The following MYO19 variants were observed in gnomAD, a reference collection of about 807,000 sequenced individuals.
MYO19 encodes the protein unconventional myosin-XIX.
In MYO19, 132 loss-of-function variants were observed where a neutral mutation model predicts 129.2. The ratio of observed to expected loss-of-function variants is 1.02; its 90% CI spans 0.89 to 1.18. The LOEUF is 1.18. Ranked by LOEUF, MYO19 falls within the 50% of genes most tolerant of loss-of-function variation. MYO19 has a pLI of 0.00. For synonymous variants in MYO19, 531 were observed against 477.2 expected (o/e 1.11, Z -1.47); for missense variants, 1,210 against 1,216.7 (o/e 0.99, Z 0.08).
rs914445593 is a variant in MYO19, at chr17:36,498,525, T to C, written c.2498A>G (p.Asp833Gly). The stretch of plus-strand genomic sequence containing the variant: ...AGAGAAGTGTTTTTCTTCCACACCA[T>C]CCAGCTCTTTAGCAGCAAGGCAGGC... ...RMACLAAKEL[D>G]GVEEKHFSQA... Residue 833 changes from aspartate (D) to glycine (G), a missense_variant, in exon 25 of 26, where the codon GAT becomes GGT. Transcript: ENST00000614623. 6.2e-7 allele frequency: 1 copy of C among 1,613,432 alleles called. No individual in the cohort carries two copies. The highest frequency in any genetic ancestry group is 1.3e-5 in the African/African-American group (1 of 74,930).
At chr17:36,502,531 T>C (rs2071604694) in intron 21 of MYO19, among the ~76,000 whole-genome samples, 1 of 152,116 alleles carries the variant, frequency 6.6e-6, no homozygotes, top group African/African-American at 2.4e-5. Context: ...GGGGCAACTT[T>C]GCAGCCTCAA....
Position 36,515,106 on chromosome 17 carries a change from C to T in MYO19, c.617+7G>A. The T allele has an allele frequency of 6.2e-7, 1 of 1,603,140 alleles. No homozygotes were observed. The highest frequency in any genetic ancestry group is 8.5e-7 in the Non-Finnish European group (1 of 1,174,684). ...CTCCCACTAGCCAGGGCAACAGCAG[C>T]TATTACCTGTTCAGCTGGAGCTGGA... is the stretch of plus-strand genomic sequence containing the variant. On this transcript the variant is annotated splice_region_variant and intron_variant, in intron 8 of 25. Coordinates refer to ENST00000614623, the MANE Select transcript of MYO19 (RefSeq NM_001163735.2).
At chr17:36,527,418 G>GC in intron 5 of MYO19, 133 bp downstream of exon 5, 1 of 981,514 alleles carries the variant, frequency 1.0e-6, no homozygotes, top group Non-Finnish European at 1.4e-6. Flanking sequence ...CTCCTATTGG[G>GC]CAGGCCGTGG....
intron 21 of MYO19, 32 bp from the exon 22 acceptor site, chr17:36,501,267 G>C: frequency 6.3e-7 from 1 of 1,589,908 alleles, no homozygotes; most frequent in African/African-American, 1.3e-5. Context: ...ATCAGTGCAT[G>C]GTCATCTCTA....
At chr17:36,530,451 C>CTT (rs11292870) in intron 3 of MYO19, among the ~76,000 whole-genome samples, 3,739 of 94,680 alleles carry the variant, frequency 0.039, 65 homozygotes, top group East Asian at 0.094. Flanking sequence ...CTAAAAGTGG[C>CTT]TTTTTTTTTT....
At chr17:36,500,768 C>A in intron 23 of MYO19, 62 bp downstream of exon 23, 1 of 1,555,126 alleles carries the variant, frequency 6.4e-7, no homozygotes, top group African/African-American at 1.4e-5. Flanking sequence ...AGCTATGTTT[C>A]AAAGGAAACC....
At chr17:36,534,352 C>T (rs2074001836) in intron 1 of MYO19, 1 of 152,166 alleles carries the variant, frequency 6.6e-6, no homozygotes, top group Admixed American at 6.5e-5. Flanking sequence ...GGATGCCGTT[C>T]CGGAAGCACC....
At chr17:36,503,490 A>G (rs1350580442) in intron 20 of MYO19, among the ~76,000 whole-genome samples, 3 of 152,206 alleles carry the variant, frequency 2.0e-5, no homozygotes, top group Non-Finnish European at 4.4e-5. Context: ...GCCTCCCTCC[A>G]AAGGGGCTGA....
intron 20 of MYO19, among the ~76,000 whole-genome samples, chr17:36,503,474 C>T (rs1034779450): frequency 1.3e-5 from 2 of 152,224 alleles, no homozygotes; most frequent in Non-Finnish European, 2.9e-5. Context: ...AGGGGATTTG[C>T]GGGCTGCCTC....
At chr17:36,525,656 T>C (rs2073419142) in intron 5 of MYO19, among the ~76,000 whole-genome samples, 1 of 152,226 alleles carries the variant, frequency 6.6e-6, no homozygotes, top group African/African-American at 2.4e-5. Context: ...AATTTGCAAT[T>C]TGCAAAGTTC....
chr17:36,521,758 C>A (rs192395603), intron 6 of MYO19, among the ~76,000 whole-genome samples: 82 of 152,246 alleles, frequency 5.4e-4, no homozygotes, highest in African/African-American at 1.9e-3. Context: ...CTCGGCCAGG[C>A]ACAGTGGCTC....
In MYO19 at chr17:36,495,949, G is replaced by GTGAC; in HGVS notation, c.*298_*301dup. ...ATGTGGAATTGGGATCCCCAGTGTAGTGACAGACAGTCATGACTGCTGCTG... is the reference window on the plus strand; with the variant it reads ...ATGTGGAATTGGGATCCCCAGTGTAGTGACTGACAGACAGTCATGACTGCTGCTG... On this transcript the variant is annotated 3_prime_UTR_variant, in exon 26 of 26. Coordinates refer to ENST00000614623, the MANE Select transcript of MYO19 (RefSeq NM_001163735.2). 3.1e-6 allele frequency: 3 copies of GTGAC among 962,110 alleles called. No homozygotes were observed. Among genetic ancestry groups the GTGAC allele is most frequent in the Non-Finnish European group, 4.1e-6 (3 of 734,758 alleles). 59.6% of individuals were successfully genotyped at this position (962,110 alleles called of 1,614,324 possible).
chr17:36,522,055 AAAAG>A (rs2073170548), intron 6 of MYO19, among the ~76,000 whole-genome samples: 1 of 151,514 alleles, frequency 6.6e-6, no homozygotes, highest in Non-Finnish European at 1.5e-5. Flanking sequence ...AAAGAAAAGA[AAAAG>A]AAAAAAGAAA....
chr17:36,521,338 A>T (rs1199784463), intron 6 of MYO19, among the ~76,000 whole-genome samples: 1 of 152,246 alleles, frequency 6.6e-6, no homozygotes, highest in Non-Finnish European at 1.5e-5. Context: ...CAAATATCAT[A>T]AATGTTAGAA....
chr17:36,525,878 T>G (rs1161992103), intron 5 of MYO19, among the ~76,000 whole-genome samples: 1 of 152,202 alleles, frequency 6.6e-6, no homozygotes, highest in Non-Finnish European at 1.5e-5. Context: ...AGCTGGATGC[T>G]GAGGAAACAT....
chr17:36,512,809 G>C, intron 11 of MYO19: 1 of 1,272,922 alleles, frequency 7.9e-7, no homozygotes, highest in Non-Finnish European at 1.0e-6. Flanking sequence ...AGAGGAGGTA[G>C]TCAGCTCTGT....
At chr17:36,532,393 T>C in intron 3 of MYO19, 134 bp downstream of exon 3, 2 of 1,064,316 alleles carry the variant, frequency 1.9e-6, no homozygotes, top group Non-Finnish European at 2.8e-6. Flanking sequence ...TGATGATGAG[T>C]AAAAGGCACT....
In MYO19 at chr17:36,507,887, G is replaced by A. The variant is rs1217182631; in HGVS notation, c.1269C>T (p.Asp423=). The change falls in exon 15 of 26, where the codon GAC becomes GAT. Residue 423 remains aspartate, a synonymous_variant. Transcript: ENST00000614623. ...LDVYGFESFP[D]NSLEQLCINY... is the part of the protein sequence containing the mutation. ...TGATGCACAACTGTTCCAGACTGTT[G>A]TCAGGAAATGATTCAAATCCATACA... 1.2e-6 allele frequency: 2 copies of A among 1,612,590 alleles called. No homozygotes were observed. The highest frequency in any genetic ancestry group is 4.5e-5 in the East Asian group (2 of 44,826).
At chr17:36,538,545 C>G (rs1016260740), upstream of MYO19, 1 of 1,613,644 alleles carries the variant, frequency 6.2e-7, no homozygotes, top group Non-Finnish European at 8.5e-7. Context: ...TGTGGTCAAT[C>G]TCTATATGTT....
Sources: gnomAD v4.1 joint callset for allele counts (sites outside exome capture counted in the v4.1 genomes callset) on GRCh38, gnomAD v4.1.1 for gene constraint, MANE v1.5 for transcripts, NCBI Gene and HGNC (gene_info 2026-07-23, HGNC 2026-07-21) for gene names.